ITGBL1: variants seen among roughly 807,000 people sequenced by gnomAD.
ITGBL1 encodes the protein integrin subunit beta like 1, also known as integrin beta-like protein 1.
A neutral mutation model predicts 68.5 loss-of-function variants in ITGBL1; 51 were observed. That is an observed-to-expected ratio of 0.74 (90% CI 0.59 to 0.94). ITGBL1 has a LOEUF of 0.94. ITGBL1 is among the 40% of genes least tolerant of loss of function. ITGBL1 has a pLI of 0.00. For missense variants in ITGBL1, 649 were observed against 647.4 expected, an observed-to-expected ratio of 1.00 and a Z score of -0.03; for synonymous variants, 209 against 227.3, an observed-to-expected ratio of 0.92 and a Z score of 0.72.
rs563698102 is a variant in ITGBL1 at position 101,465,551 on chromosome 13, G to A, written c.316+11451G>A. ...GGAAGAAAAAAGGAAATAAAATAAT[G>A]TGATAAATCAGCTTTAGATTTGTCC... is the stretch of plus-strand genomic sequence containing the variant. On this transcript the variant is annotated intron_variant, in intron 2 of 10. Transcript: ENST00000376180. Among the ~76,000 whole-genome samples, 6 of 152,310 alleles carry A rather than the reference G, an allele frequency of 3.9e-5. No individual in the cohort carries two copies. In the South Asian group the frequency reaches 1.2e-3, roughly 32 times the overall value.
At chr13:101,575,381 T>C (rs1175116360) in intron 3 of ITGBL1, 43 bp from the exon 4 acceptor site, 1 of 1,575,268 alleles carries the variant, frequency 6.3e-7, no homozygotes, top group East Asian at 2.2e-5. Context: ...ATTATAATTT[T>C]ATGTGCATGT....
intron 6 of ITGBL1, among the ~76,000 whole-genome samples, chr13:101,583,614 GC>G (rs957077725): frequency 5.9e-5 from 9 of 152,012 alleles, no homozygotes; most frequent in African/African-American, 2.2e-4. Flanking sequence ...CACATTGCAT[GC>G]CCGTATCAAA....
chr13:101,570,877 C>T (rs1246941362), intron 3 of ITGBL1, among the ~76,000 whole-genome samples: 1 of 152,122 alleles, frequency 6.6e-6, no homozygotes, highest in Non-Finnish European at 1.5e-5. Context: ...GCCTGTCAGG[C>T]AAGGTTAGGA....
intron 2 of ITGBL1, among the ~76,000 whole-genome samples, chr13:101,548,972 C>T (rs1013742242): frequency 6.6e-6 from 1 of 151,740 alleles, no homozygotes; most frequent in African/African-American, 2.4e-5. Context: ...ATCAGACCTA[C>T]CAATTATTTT....
chr13:101,708,444 C>T (rs754268295), intron 9 of ITGBL1, among the ~76,000 whole-genome samples: 1 of 152,054 alleles, frequency 6.6e-6, no homozygotes, highest in Non-Finnish European at 1.5e-5. Context: ...TCAGGATGAC[C>T]AGGTAAATAA....
At chr13:101,543,835 T>G (rs1347859284) in intron 2 of ITGBL1, among the ~76,000 whole-genome samples, 1 of 152,250 alleles carries the variant, frequency 6.6e-6, no homozygotes, top group Non-Finnish European at 1.5e-5. Flanking sequence ...TTTCTTCCAG[T>G]TGATCAAATC....
intron 2 of ITGBL1, among the ~76,000 whole-genome samples, chr13:101,521,270 C>A (rs1388081098): frequency 1.3e-5 from 2 of 152,138 alleles, no homozygotes; most frequent in East Asian, 3.9e-4. Flanking sequence ...GACATAGCAA[C>A]AGATACAACT....
At chr13:101,634,242 C>T (rs552208711) in intron 7 of ITGBL1, among the ~76,000 whole-genome samples, 2 of 152,212 alleles carry the variant, frequency 1.3e-5, no homozygotes, top group East Asian at 1.9e-4. Flanking sequence ...AATTAGCTTT[C>T]TTGGAGTAAA....
chr13:101,573,438 C>T (rs1417076926), intron 3 of ITGBL1, among the ~76,000 whole-genome samples: 1 of 152,044 alleles, frequency 6.6e-6, no homozygotes, highest in East Asian at 1.9e-4. Context: ...CAGAATCATG[C>T]AGAGGATATG....
chr13:101,704,471 C>T (rs1205166269), intron 8 of ITGBL1, among the ~76,000 whole-genome samples: 1 of 101,052 alleles, frequency 9.9e-6, no homozygotes, highest in Non-Finnish European at 1.8e-5. Flanking sequence ...AATACCTGCA[C>T]TTATTCATTC....
chr13:101,531,735 ATTTAT>A (rs2049484183), intron 2 of ITGBL1, among the ~76,000 whole-genome samples: 1 of 143,518 alleles, frequency 7.0e-6, no homozygotes, highest in Non-Finnish European at 1.5e-5. Context: ...TTATTTATTT[ATTTAT>A]TTATGTTTTT....
intron 2 of ITGBL1, among the ~76,000 whole-genome samples, chr13:101,456,731 T>C (rs976181401): frequency 6.6e-6 from 1 of 152,088 alleles, no homozygotes; most frequent in Non-Finnish European, 1.5e-5. Context: ...CTGGAGAACA[T>C]GGTGAAACAC....
chr13:101,670,732 T>A (rs2033338185), intron 7 of ITGBL1, among the ~76,000 whole-genome samples: 1 of 152,218 alleles, frequency 6.6e-6, no homozygotes, highest in African/African-American at 2.4e-5. Context: ...CTGAAGGATG[T>A]GTCTCTCATC....
intron 2 of ITGBL1, among the ~76,000 whole-genome samples, chr13:101,457,002 A>G (rs547817643): frequency 6.6e-6 from 1 of 152,326 alleles, no homozygotes; most frequent in African/African-American, 2.4e-5. Flanking sequence ...TTGGGCAGTT[A>G]CTTAAACATT....
chr13:101,520,721 A>C (rs966331018), intron 2 of ITGBL1, among the ~76,000 whole-genome samples: 9 of 152,216 alleles, frequency 5.9e-5, no homozygotes, highest in African/African-American at 2.2e-4. Flanking sequence ...AGGAAAGAAA[A>C]GCAAGTTTAA....
At chr13:101,533,984 A>G (rs375908909) in intron 2 of ITGBL1, among the ~76,000 whole-genome samples, 6 of 152,344 alleles carry the variant, frequency 3.9e-5, no homozygotes, top group Admixed American at 3.3e-4. Flanking sequence ...CACTAAGGAA[A>G]CAAAGAAGAA....
intron 2 of ITGBL1, among the ~76,000 whole-genome samples, chr13:101,481,288 AG>A (rs1214496463): frequency 3.9e-5 from 6 of 151,928 alleles, no homozygotes; most frequent in Non-Finnish European, 8.8e-5. Context: ...TGGGATAAAT[AG>A]GAAAAAGATA....
rs114544511 is a variant in ITGBL1, at chr13:101,594,942, C to T, written c.869-3211C>T. ...TACAAAAATTAGCCGGGCGTGTTGA[C>T]GCACACCTGTAGTCCCAACTACTGG... On this transcript the variant is annotated intron_variant, in intron 6 of 10. Transcript: ENST00000376180. Among the ~76,000 whole-genome samples the T allele has an allele frequency of 5.3e-5, 8 of 152,200 alleles. No individual in the cohort carries two copies. The East Asian group carries it at 5.8e-4, about 11-fold the overall frequency.
chr13:101,478,385 G>A (rs1240771148), intron 2 of ITGBL1, among the ~76,000 whole-genome samples: 2 of 152,010 alleles, frequency 1.3e-5, no homozygotes, highest in African/African-American at 2.4e-5. Flanking sequence ...CATACTGATT[G>A]GGGAAAAACT....
Sources: gnomAD v4.1 joint callset for allele counts (sites outside exome capture counted in the v4.1 genomes callset) on GRCh38, gnomAD v4.1.1 for gene constraint, MANE v1.5 for transcripts, NCBI Gene and HGNC (gene_info 2026-07-23, HGNC 2026-07-21) for gene names.